Variants in ITSN1 observed in about 807,000 individuals in gnomAD.
The protein encoded by ITSN1 is intersectin 1.
ITSN1 carries 58 observed loss-of-function variants against 239.8 expected under a neutral mutation model. The ratio of observed to expected loss-of-function variants is 0.24; its 90% CI spans 0.20 to 0.30. ITSN1 has a LOEUF of 0.30. ITSN1 is among the 10% of genes least tolerant of loss of function. The pLI, the probability that ITSN1 is intolerant of heterozygous loss-of-function variation, is 1.00. For synonymous variants in ITSN1, 780 were observed against 770.8 expected (o/e 1.01, Z -0.20); for missense variants, 1,558 against 2,103.3 (o/e 0.74, Z 5.07).
chr21:33,884,626 G>A (rs1275115396), intron 36 of ITSN1, among the ~76,000 whole-genome samples: 4 of 152,208 alleles, frequency 2.6e-5, no homozygotes, highest in African/African-American at 4.8e-5. Context: ...TTGGTCTTTC[G>A]TGTGAAGTGG....
intron 27 of ITSN1, among the ~76,000 whole-genome samples, chr21:33,832,196 C>T (rs1344819182): frequency 6.6e-6 from 1 of 152,180 alleles, no homozygotes; most frequent in Non-Finnish European, 1.5e-5. Context: ...CATTTCTCAC[C>T]AGCGGCCAAC....
intron 21 of ITSN1, among the ~76,000 whole-genome samples, chr21:33,812,612 C>T (rs999478496): frequency 1.3e-5 from 2 of 152,022 alleles, no homozygotes; most frequent in Non-Finnish European, 2.9e-5. Flanking sequence ...AATACTCCTG[C>T]CTCAGCCTCC....
At position 33,722,604 on chromosome 21, in the gene ITSN1, C is replaced by CTT; in HGVS notation, c.146_147dup (p.Gln50PhefsTer10). The CTT allele has an allele frequency of 2.0e-6, 3 of 1,495,952 alleles. No individual in the cohort carries two copies. Among genetic ancestry groups the CTT allele is most frequent in the Admixed American group, 4.3e-5 (2 of 46,900 alleles). 92.7% of individuals were successfully genotyped at this position (1,495,952 alleles called of 1,614,324 possible). A position where few individuals can be genotyped will look rare whatever the true frequency, so the allele number is the denominator to read the frequency against. The stretch of plus-strand genomic sequence containing the variant: ...AATTTACAGGTGATCAAGCTAGAAA[C>CTT]TTTTTTTTTCAATCTGGGTTACCTC... On this transcript the variant is annotated frameshift_variant, in exon 4 of 40. Transcript: ENST00000381318. LOFTEE classifies it high-confidence loss of function.
chr21:33,797,751 T>C lies in ITSN1; in HGVS notation c.2182+143T>C, dbSNP rs559227894. ...GTCTCTTATTTTGAGCATGGCCAGC[T>C]CTTCTTTCCCCAGGGTCATTTGAGA... On this transcript the variant is annotated intron_variant, in intron 18 of 39. Coordinates refer to ENST00000381318, the MANE Select transcript of ITSN1 (RefSeq NM_003024.3). This position sits in a 1 kb window ranked among gnomAD's most constrained non-coding sequence, Gnocchi z 4.9. The C allele has an allele frequency of 3.9e-4, 257 of 666,930 alleles. 1 individual carries two copies. The highest frequency in any genetic ancestry group is 4.8e-4 in the Non-Finnish European group (186 of 384,960). 41.3% of individuals were successfully genotyped at this position (666,930 alleles called of 1,614,324 possible).
intron 39 of ITSN1, 118 bp from the exon 40 acceptor site, chr21:33,888,034 G>C: frequency 2.0e-6 from 2 of 986,818 alleles, no homozygotes; most frequent in Non-Finnish European, 3.0e-6. Context: ...GTTTACATCA[G>C]AGCCCAGAGA....
In ITSN1 at chr21:33,817,261, C is replaced by T. The variant is rs1056461535; in HGVS notation, c.2728-1006C>T. On this transcript the variant is annotated intron_variant, in intron 22 of 39. Transcript: ENST00000381318. Reference sequence around the variant, plus strand: ...CTTCCTCCTCCACCCCTCCATGAGACTAGGCCACATGCAGCCCCGGATTGT... The same window carrying T: ...CTTCCTCCTCCACCCCTCCATGAGATTAGGCCACATGCAGCCCCGGATTGT... 2.3e-6 allele frequency: 3 copies of T among 1,304,154 alleles called. No individual in the cohort carries two copies. In the African/African-American group the frequency reaches 4.6e-5, roughly 20 times the overall value. 80.8% of individuals were successfully genotyped at this position (1,304,154 alleles called of 1,614,324 possible). A position where few individuals can be genotyped will look rare whatever the true frequency, so the allele number is the denominator to read the frequency against.
At chr21:33,747,493 A>G (rs534588378) in intron 5 of ITSN1, among the ~76,000 whole-genome samples, 18 of 93,224 alleles carry the variant, frequency 1.9e-4, no homozygotes, top group Admixed American at 1.1e-3. Context: ...AGCTCAACAC[A>G]CCTCAAGTAG....
chr21:33,698,786 A>G (rs928515616), intron 1 of ITSN1, among the ~76,000 whole-genome samples: 20 of 152,060 alleles, frequency 1.3e-4, no homozygotes, highest in African/African-American at 4.8e-4. Context: ...TTTTTCATTC[A>G]TTTCCTGCTC....
At position 33,882,013 on chromosome 21, in the gene ITSN1, G is replaced by C. The variant is rs1430761248; in HGVS notation, c.4342-230G>C. On this transcript the variant is annotated intron_variant, in intron 34 of 39. Coordinates refer to ENST00000381318, the MANE Select transcript of ITSN1 (RefSeq NM_003024.3). This position sits in a 1 kb window ranked among gnomAD's most constrained non-coding sequence, Gnocchi z 4.5. ...ACCATAAGACACTGGCATGCTCCTA[G>C]AGGAAAAGCCTTAGAAATTACCATT... 1.3e-5 allele frequency among the ~76,000 whole-genome samples: 2 copies of C among 150,666 alleles called. No individual in the cohort carries two copies. The highest frequency in any genetic ancestry group is 4.9e-5 in the African/African-American group (2 of 40,926).
intron 1 of ITSN1, among the ~76,000 whole-genome samples, chr21:33,678,468 AG>A (rs2090731168): frequency 6.6e-6 from 1 of 152,184 alleles, no homozygotes; most frequent in Admixed American, 6.5e-5. Flanking sequence ...CCTAGCACTT[AG>A]CCCCGTGCTT....
intron 38 of ITSN1, 71 bp downstream of exon 38, chr21:33,885,593 C>T (rs1337443796): frequency 8.8e-7 from 1 of 1,138,638 alleles, no homozygotes; most frequent in East Asian, 2.3e-5. Flanking sequence ...CACACCCCCA[C>T]CTGGCTCTAG....
intron 1 of ITSN1, among the ~76,000 whole-genome samples, chr21:33,714,934 A>C (rs1323794654): frequency 6.6e-6 from 1 of 152,178 alleles, no homozygotes; most frequent in Non-Finnish European, 1.5e-5. Context: ...CAGTATTTGC[A>C]AATATGTCAC....
chr21:33,777,321 A>G (rs1169074185), intron 14 of ITSN1, among the ~76,000 whole-genome samples: 1 of 152,072 alleles, frequency 6.6e-6, no homozygotes, highest in Admixed American at 6.6e-5. Context: ...TGTTCTTTTG[A>G]TCTGTCTGTC....
intron 1 of ITSN1, among the ~76,000 whole-genome samples, chr21:33,690,812 T>C (rs1174645773): frequency 1.2e-4 from 2 of 17,166 alleles, no homozygotes; most frequent in Admixed American, 7.3e-4. Flanking sequence ...TATATATATA[T>C]ATGTATATAT....
intron 4 of ITSN1, among the ~76,000 whole-genome samples, chr21:33,730,892 C>T (rs2066140575): frequency 6.6e-6 from 1 of 151,596 alleles, no homozygotes; most frequent in Non-Finnish European, 1.5e-5. Flanking sequence ...GACAGGGTTT[C>T]ACCTTGTTGG....
At chr21:33,693,830 T>C (rs972359677) in intron 1 of ITSN1, among the ~76,000 whole-genome samples, 1 of 152,254 alleles carries the variant, frequency 6.6e-6, no homozygotes, top group South Asian at 2.1e-4. Context: ...GGTTATCTTA[T>C]CTGATACAAT....
At chr21:33,733,761 T>G (rs1159070526) in intron 4 of ITSN1, among the ~76,000 whole-genome samples, 3 of 152,168 alleles carry the variant, frequency 2.0e-5, no homozygotes, top group Non-Finnish European at 4.4e-5. Flanking sequence ...CTGAATTCTT[T>G]GCTGAAGGGC....
At chr21:33,791,778 A>G (rs1004399120) in intron 16 of ITSN1, among the ~76,000 whole-genome samples, 1 of 152,186 alleles carries the variant, frequency 6.6e-6, no homozygotes, top group Non-Finnish European at 1.5e-5. Flanking sequence ...GCCAGTGTCC[A>G]TTCTGGTTGT....
intron 20 of ITSN1, among the ~76,000 whole-genome samples, chr21:33,803,367 T>C (rs560496196): frequency 6.6e-6 from 1 of 152,360 alleles, no homozygotes; most frequent in South Asian, 2.1e-4. Context: ...TGCACAAATA[T>C]GTGTGTACAT....
Sources: gnomAD v4.1 joint callset for allele counts (sites outside exome capture counted in the v4.1 genomes callset) on GRCh38, gnomAD v4.1.1 for gene constraint, Gnocchi (gnomAD v3.1) non-coding constraint, MANE v1.5 for transcripts, NCBI Gene and HGNC (gene_info 2026-07-23, HGNC 2026-07-21) for gene names.